The following PTPRT variants were observed in gnomAD, a reference collection of about 807,000 sequenced individuals.
PTPRT encodes the protein receptor-type tyrosine-protein phosphatase T.
Under a neutral mutation model 176.8 loss-of-function variants are expected in PTPRT, and 56 were observed. The ratio of observed to expected loss-of-function variants is 0.32; its 90% CI spans 0.26 to 0.40. PTPRT has a LOEUF of 0.40. PTPRT is among the 10% of genes least tolerant of loss of function. PTPRT has a pLI of 1.00. For missense variants in PTPRT, 1,540 were observed against 1,908.2 expected, an observed-to-expected ratio of 0.81 and a Z score of 3.60; for synonymous variants, 783 against 739.0, an observed-to-expected ratio of 1.06 and a Z score of -0.96.
intron 2 of PTPRT, 78 bp from the exon 3 acceptor site, chr20:42,791,544 T>C (rs770310969): frequency 1.9e-5 from 28 of 1,447,866 alleles, no homozygotes; most frequent in Non-Finnish European, 2.6e-5. Flanking sequence ...GTCACACCCA[T>C]AAACATGGTG....
chr20:42,122,971 T>C (rs888343937), intron 19 of PTPRT, among the ~76,000 whole-genome samples: 5 of 152,226 alleles, frequency 3.3e-5, no homozygotes, highest in African/African-American at 1.2e-4. Context: ...TCATTCCTCC[T>C]GAGTGGCCCA....
intron 6 of PTPRT, among the ~76,000 whole-genome samples, chr20:42,748,167 G>C (rs553326533): frequency 1.3e-4 from 20 of 152,184 alleles, no homozygotes; most frequent in Non-Finnish European, 2.9e-4. Context: ...ATATGACCTG[G>C]AAAGCTGAAA....
chr20:42,442,136 G>T (rs2059321928), intron 9 of PTPRT, among the ~76,000 whole-genome samples: 1 of 152,134 alleles, frequency 6.6e-6, no homozygotes, highest in Admixed American at 6.5e-5. Context: ...AACCTTCTCT[G>T]GGCCTCTGTC....
chr20:42,672,451 A>G lies in PTPRT; in HGVS notation c.1153+5415T>C, dbSNP rs73618858. Reference sequence around the variant, plus strand: ...CGTGTGAGTCAATACTCCTTAATAAACTTTCCTTTATAGATACATCTGTCC... The same window carrying G: ...CGTGTGAGTCAATACTCCTTAATAAGCTTTCCTTTATAGATACATCTGTCC... On this transcript the variant is annotated intron_variant, in intron 7 of 30. Transcript: ENST00000373187. 1.2e-4 allele frequency among the ~76,000 whole-genome samples: 18 copies of G among 152,214 alleles called. No individual in the cohort carries two copies. In the East Asian group the frequency reaches 1.4e-3, roughly 11 times the overall value.
intron 4 of PTPRT, among the ~76,000 whole-genome samples, chr20:42,773,337 C>T (rs978683319): frequency 1.3e-5 from 2 of 152,128 alleles, no homozygotes; most frequent in African/African-American, 4.8e-5. Context: ...TGAGAAGTGG[C>T]CTGGCACAGT....
chr20:43,161,271 T>C (rs1392543928), intron 1 of PTPRT, among the ~76,000 whole-genome samples: 1 of 152,182 alleles, frequency 6.6e-6, no homozygotes, highest in Non-Finnish European at 1.5e-5. Flanking sequence ...ACACATTATA[T>C]CTAGCTTTCT....
chr20:42,651,846 A>G (rs1036169889), intron 7 of PTPRT, among the ~76,000 whole-genome samples: 9 of 152,176 alleles, frequency 5.9e-5, no homozygotes, highest in African/African-American at 2.2e-4. Flanking sequence ...CAGGAGTTCA[A>G]GATCAGCCTG....
At chr20:42,337,034 T>G (rs78825981) in intron 11 of PTPRT, among the ~76,000 whole-genome samples, 5,405 of 152,262 alleles carry the variant, frequency 0.035, 115 homozygotes, top group East Asian at 0.083. Context: ...TTCCCAAAAC[T>G]GAAGAGTTTC....
intron 1 of PTPRT, among the ~76,000 whole-genome samples, chr20:43,076,684 C>T (rs1193340662): frequency 6.6e-6 from 1 of 152,204 alleles, no homozygotes; most frequent in Admixed American, 6.5e-5. Flanking sequence ...CACCTCTACC[C>T]ACTGTCCTCT....
At chr20:42,530,154 C>T (rs1280552758) in intron 7 of PTPRT, among the ~76,000 whole-genome samples, 1 of 152,156 alleles carries the variant, frequency 6.6e-6, no homozygotes, top group Non-Finnish European at 1.5e-5. Flanking sequence ...GTACATAGGC[C>T]GATGAGGTAG....
At chr20:42,924,164 A>C (rs1404595191) in intron 1 of PTPRT, among the ~76,000 whole-genome samples, 1 of 152,184 alleles carries the variant, frequency 6.6e-6, no homozygotes, top group Non-Finnish European at 1.5e-5. Flanking sequence ...CAGATGGCAC[A>C]TTCTTAATAC....
At chr20:42,913,049 C>A (rs1156422648) in intron 1 of PTPRT, among the ~76,000 whole-genome samples, 1 of 147,372 alleles carries the variant, frequency 6.8e-6, no homozygotes, top group African/African-American at 2.5e-5. Context: ...TTAGTCTCTC[C>A]ATCAGTAAAA....
chr20:42,084,952 G>A, intron 28 of PTPRT, 107 bp from the exon 29 acceptor site: 1 of 961,418 alleles, frequency 1.0e-6, no homozygotes, highest in Non-Finnish European at 1.4e-6. Context: ...CAGACCAAAT[G>A]GGATCTAAGC....
intron 27 of PTPRT, among the ~76,000 whole-genome samples, chr20:42,093,762 C>T (rs2425471): frequency 0.62 from 94,321 of 152,150 alleles, 29,734 homozygotes; most frequent in African/African-American, 0.73. Flanking sequence ...GGCATGAGCA[C>T]GCAGGCAGAC....
chr20:43,144,511 T>G (rs1018439208), intron 1 of PTPRT, among the ~76,000 whole-genome samples: 1 of 152,204 alleles, frequency 6.6e-6, no homozygotes, highest in African/African-American at 2.4e-5. Flanking sequence ...TCAGGGAAGT[T>G]TTCCTAACTA....
chr20:42,907,653 G>A (rs941863298), intron 1 of PTPRT, among the ~76,000 whole-genome samples: 1 of 152,094 alleles, frequency 6.6e-6, no homozygotes, highest in Non-Finnish European at 1.5e-5. Flanking sequence ...TGGCGTGAGA[G>A]AGCTACAAAA....
chr20:42,156,311 C>G (rs1054957520), intron 17 of PTPRT, among the ~76,000 whole-genome samples: 15 of 152,112 alleles, frequency 9.9e-5, no homozygotes, highest in Non-Finnish European at 5.9e-5. Context: ...GGCAAGGGCT[C>G]TATTTAGTTC....
At chr20:43,106,904 C>T (rs1320487289) in intron 1 of PTPRT, among the ~76,000 whole-genome samples, 1 of 152,054 alleles carries the variant, frequency 6.6e-6, no homozygotes, top group South Asian at 2.1e-4. Flanking sequence ...CATCCTCCCA[C>T]CTCAGCCTCC....
intron 25 of PTPRT, among the ~76,000 whole-genome samples, chr20:42,103,250 T>A (rs1006765709): frequency 6.6e-6 from 1 of 152,218 alleles, no homozygotes; most frequent in South Asian, 2.1e-4. Flanking sequence ...TCTGACCGCA[T>A]GGGCTTCCAG....
Sources: allele counts gnomAD v4.1 joint callset (sites outside exome capture counted in the v4.1 genomes callset), GRCh38; gene constraint gnomAD v4.1.1; transcripts MANE v1.5; gene names NCBI Gene and HGNC (gene_info 2026-07-23, HGNC 2026-07-21).